MTO1: variants seen among roughly 807,000 people sequenced by gnomAD.
The protein encoded by MTO1 is 5-taurinomethyluridine-[tRNA] synthase subunit MTO1, mitochondrial.
MTO1 carries 46 observed loss-of-function variants against 71.6 expected under a neutral mutation model. The observed-to-expected ratio is 0.64, with a 90% CI of 0.51 to 0.82. MTO1 has a LOEUF of 0.82. Among genes scored for constraint, MTO1 ranks in the 40% least tolerant of loss-of-function variants. The pLI is 0.00. For missense variants in MTO1, 773 were observed against 867.5 expected (o/e 0.89, Z 1.37); for synonymous variants, 297 against 312.1 (o/e 0.95, Z 0.51).
intron 9 of MTO1, among the ~76,000 whole-genome samples, chr6:73,489,393 G>A (rs1197617768): frequency 1.3e-5 from 2 of 150,604 alleles, no homozygotes; most frequent in East Asian, 2.0e-4. Context: ...CTGTTAACTC[G>A]ACATTTACAT....
At position 73,479,772 on chromosome 6, in the gene MTO1, CTA is replaced by C; in HGVS notation, c.867_868del (p.Arg290SerfsTer3). The C allele has an allele frequency of 6.2e-7, 1 of 1,613,928 alleles. No individual in the cohort carries two copies. Among genetic ancestry groups the C allele is most frequent in the Non-Finnish European group, 8.5e-7 (1 of 1,179,950 alleles). On this transcript the variant is annotated frameshift_variant, in exon 5 of 12. Coordinates refer to ENST00000498286, the MANE Select transcript of MTO1 (RefSeq NM_012123.4). LOFTEE classifies it high-confidence loss of function. ...CCATGTTACTTGACTCACACCAACC[CTA>C]GAGTGGATGAGATTGTCCTTAAGAA...
chr6:73,494,417 G>A (rs1208050476), intron 10 of MTO1, among the ~76,000 whole-genome samples: 1 of 152,076 alleles, frequency 6.6e-6, no homozygotes, highest in Non-Finnish European at 1.5e-5. Context: ...ATGCTCTTTG[G>A]GAACCAGCCA....
intron 11 of MTO1, 130 bp from the exon 12 acceptor site, chr6:73,500,444 A>G (rs767785458): frequency 1.8e-4 from 121 of 682,926 alleles, no homozygotes; most frequent in Non-Finnish European, 2.4e-4. Context: ...ATATGTTAAG[A>G]TAATACATCA....
intron 2 of MTO1, 27 bp from the exon 3 acceptor site, chr6:73,466,462 G>T (rs1418923618): frequency 6.2e-7 from 1 of 1,613,104 alleles, no homozygotes; most frequent in African/African-American, 1.3e-5. Flanking sequence ...TAATTACCAT[G>T]TTTCAACTGG....
At position 73,500,762 on chromosome 6, in the gene MTO1, GA is replaced by G. The variant is rs763176745; in HGVS notation, c.*28del. ...TTTCAATTCATAAAAGATTTTTAAA[GA>G]GCATATAAATAATTTGATCAATACA... On this transcript the variant is annotated 3_prime_UTR_variant, in exon 12 of 12. Coordinates refer to ENST00000498286, the MANE Select transcript of MTO1 (RefSeq NM_012123.4). 2.0e-6 allele frequency: 3 copies of G among 1,522,500 alleles called. No individual in the cohort carries two copies. The highest frequency in any genetic ancestry group is 2.7e-6 in the Non-Finnish European group (3 of 1,127,680). 94.3% of individuals were successfully genotyped at this position (1,522,500 alleles called of 1,614,324 possible).
rs375106462 is a variant in MTO1 at position 73,473,587 on chromosome 6, T to C, written c.758T>C (p.Leu253Pro). 2 of 1,614,006 alleles carry C rather than the reference T, an allele frequency of 1.2e-6. No homozygotes were observed. The highest frequency in any genetic ancestry group is 1.7e-6 in the Non-Finnish European group (2 of 1,179,958). Residue 253 changes from leucine (L) to proline (P), a missense_variant, in exon 4 of 12, where the codon CTA (leucine) becomes CCA (proline). Transcript: ENST00000498286. ...AAAGAGTCCATTAATTTCAGTATTC[T>C]AAACAAGCATATACCGGACAATCCA... ...IAKESINFSI[L>P]NKHIPDNPSI...
At position 73,482,486 on chromosome 6, in the gene MTO1, T is replaced by C. The variant is rs1771534335; in HGVS notation, c.1503T>C (p.Tyr501=). 1 of 1,613,494 alleles carries C rather than the reference T, an allele frequency of 6.2e-7. No homozygotes were observed. The highest frequency in any genetic ancestry group is 8.5e-7 in the Non-Finnish European group (1 of 1,179,844). The change falls in exon 9 of 12, where the codon TAT becomes TAC. Residue 501 remains tyrosine, a synonymous_variant. Coordinates refer to ENST00000498286, the MANE Select transcript of MTO1 (RefSeq NM_012123.4). The part of the protein sequence containing the change: ...KDAGCVSQQR[Y]ERACWMKSSL... ...CTGGCTGTGTGTCCCAACAACGATA[T>C]GAAAGAGCTTGTTGGATGAAGTCTT... is the stretch of plus-strand genomic sequence containing the variant.
Position 73,505,781 on chromosome 6 carries a change from G to A in MTO1, c.*5046G>A, listed in dbSNP as rs1772269005. On this transcript the variant is annotated 3_prime_UTR_variant, in exon 12 of 12. Transcript: ENST00000498286. ...TTGGCCAAGCTAGTCTCGAACTCCT[G>A]ACCTCATGATCCGCCCACCTCGACC... 6.6e-6 allele frequency: 1 copy of A among 152,012 alleles called. No homozygotes were observed. Among genetic ancestry groups the A allele is most frequent in the African/African-American group, 2.4e-5 (1 of 41,372 alleles). 9.4% of individuals were successfully genotyped at this position (152,012 alleles called of 1,614,324 possible). A position where few individuals can be genotyped will look rare whatever the true frequency, so the allele number is the denominator to read the frequency against.
At chr6:73,483,384 G>A (rs534345943) in intron 9 of MTO1, among the ~76,000 whole-genome samples, 3 of 151,994 alleles carry the variant, frequency 2.0e-5, no homozygotes, top group African/African-American at 7.2e-5. Flanking sequence ...ACTCCAGCCT[G>A]GGTGAGAGTG....
At chr6:73,480,350 A>C in intron 6 of MTO1, 1 of 685,080 alleles carries the variant, frequency 1.5e-6, no homozygotes, top group South Asian at 1.5e-5. Context: ...TCGGCTCACC[A>C]CAACCTCCCC....
At position 73,474,593 on chromosome 6, in the gene MTO1, C is replaced by T. The variant is rs149039663; in HGVS notation, c.825+939C>T. ...CCTCCCTAGTAGCTGGGATTGCAAGCACCCGCCATCATGCCTGGCTAATTT... is the reference window on the plus strand; with the variant it reads ...CCTCCCTAGTAGCTGGGATTGCAAGTACCCGCCATCATGCCTGGCTAATTT... On this transcript the variant is annotated intron_variant, in intron 4 of 11. Transcript: ENST00000498286. 3.1e-3 allele frequency among the ~76,000 whole-genome samples: 475 copies of T among 151,880 alleles called. 2 individuals carry two copies. Among genetic ancestry groups the T allele is most frequent in the African/African-American group, 9.6e-3 (396 of 41,380 alleles).
At chr6:73,473,289 T>C (rs1024237897) in intron 3 of MTO1, 76 bp from the exon 4 acceptor site, 4 of 1,376,672 alleles carry the variant, frequency 2.9e-6, no homozygotes, top group Middle Eastern at 1.9e-4. Flanking sequence ...GATAGATAGA[T>C]AGATAGATAG....
chr6:73,470,595 C>T (rs1379265549), intron 3 of MTO1, among the ~76,000 whole-genome samples: 9 of 152,160 alleles, frequency 5.9e-5, no homozygotes, highest in East Asian at 3.9e-4. Flanking sequence ...GAAATACATA[C>T]TTAGGGCCAA....
chr6:73,464,935 C>T (rs1770942317), intron 1 of MTO1, among the ~76,000 whole-genome samples: 1 of 151,816 alleles, frequency 6.6e-6, no homozygotes, highest in Non-Finnish European at 1.5e-5. Context: ...CATCCCTCCA[C>T]CTCCCACAAA....
chr6:73,493,689 C>A lies in MTO1; in HGVS notation c.1756+1337C>A, dbSNP rs551253366. On this transcript the variant is annotated intron_variant, in intron 10 of 11. Coordinates refer to ENST00000498286, the MANE Select transcript of MTO1 (RefSeq NM_012123.4). ...TACAGGTGTGAGCCACTGCACCCAG[C>A]ATATATATATATATCTTTATATATT... Among the ~76,000 whole-genome samples, 9 of 150,784 alleles carry A rather than the reference C, an allele frequency of 6.0e-5. No homozygotes were observed. The South Asian group carries it at 1.9e-3, about 32-fold the overall frequency.
chr6:73,498,872 ATG>A (rs1561954956), intron 11 of MTO1, among the ~76,000 whole-genome samples: 64 of 152,052 alleles, frequency 4.2e-4, no homozygotes, highest in Admixed American at 2.2e-3. Flanking sequence ...CTACAGGCGC[ATG>A]CCACCACACT....
chr6:73,473,716 T>C, intron 4 of MTO1, 62 bp downstream of exon 4: 9 of 1,271,294 alleles, frequency 7.1e-6, no homozygotes, highest in Non-Finnish European at 9.4e-6. Context: ...CAGGAAGTAC[T>C]GTAACTTTTT....
At chr6:73,490,058 C>T (rs1029775028) in intron 9 of MTO1, among the ~76,000 whole-genome samples, 2 of 152,140 alleles carry the variant, frequency 1.3e-5, no homozygotes, top group African/African-American at 4.8e-5. Context: ...AGCATTTTTT[C>T]GTGTGCCTGT....
intron 3 of MTO1, among the ~76,000 whole-genome samples, chr6:73,469,986 G>A (rs1181688364): frequency 1.3e-5 from 2 of 151,950 alleles, no homozygotes; most frequent in East Asian, 1.9e-4. Context: ...GCCTGGTAAC[G>A]AGCAAAACTC....
Sources: gnomAD v4.1 joint callset for allele counts (sites outside exome capture counted in the v4.1 genomes callset) on GRCh38, gnomAD v4.1.1 for gene constraint, MANE v1.5 for transcripts, NCBI Gene and HGNC (gene_info 2026-07-23, HGNC 2026-07-21) for gene names.